Variants in ILDR2 observed in about 807,000 individuals in gnomAD.
The protein encoded by ILDR2 is immunoglobulin like domain containing receptor 2.
ILDR2 carries 25 observed loss-of-function variants against 66.8 expected under a neutral mutation model. That is an observed-to-expected ratio of 0.37 (90% CI 0.27 to 0.52). The LOEUF is 0.52. Among genes scored for constraint, ILDR2 ranks in the 20% least tolerant of loss-of-function variants. The probability of loss-of-function intolerance (pLI) is 0.88; values close to 1 mark genes in which losing one functional copy is unlikely to be tolerated. For synonymous variants in ILDR2, 367 were observed against 357.2 expected, an observed-to-expected ratio of 1.03 and a Z score of -0.31; for missense variants, 827 against 876.8, an observed-to-expected ratio of 0.94 and a Z score of 0.72.
rs984325764 is a variant in ILDR2 at position 166,913,797 on chromosome 1, T to G, written c.*5558A>C. 2.7e-4 allele frequency: 41 copies of G among 152,314 alleles called. No individual in the cohort carries two copies. Among genetic ancestry groups the G allele is most frequent in the African/African-American group, 9.6e-4 (40 of 41,562 alleles). 9.4% of individuals were successfully genotyped at this position (152,314 alleles called of 1,614,324 possible). A position where few individuals can be genotyped will look rare whatever the true frequency, so the allele number is the denominator to read the frequency against. Reference sequence around the variant, plus strand: ...TTCTCCAGAAAACCTGAAGCATATATTACCCCTCACAGCACAGGTGATGAA... The same window carrying G: ...TTCTCCAGAAAACCTGAAGCATATAGTACCCCTCACAGCACAGGTGATGAA... On this transcript the variant is annotated 3_prime_UTR_variant, in exon 10 of 10. Coordinates refer to ENST00000271417, the MANE Select transcript of ILDR2 (RefSeq NM_199351.3).
intron 9 of ILDR2, among the ~76,000 whole-genome samples, chr1:166,920,374 T>G (rs1248416957): frequency 2.6e-5 from 4 of 152,204 alleles, no homozygotes; most frequent in Non-Finnish European, 5.9e-5. Context: ...GTGGTGGTGA[T>G]GGCTCCCGAG....
Position 166,920,900 on chromosome 1 carries a change from G to A in ILDR2, c.1691C>T (p.Ser564Phe). Residue 564 changes from serine to phenylalanine, a missense_variant, in exon 9 of 10, where the codon TCC becomes TTC. Physicochemically the swap from Ser to Phe is radical, Grantham distance 155 (BLOSUM62 -2). Coordinates refer to ENST00000271417, the MANE Select transcript of ILDR2 (RefSeq NM_199351.3). ...RSAQLGPRSASYYAWSPPGTY... is the reference protein window; with the variant it reads ...RSAQLGPRSAFYYAWSPPGTY... The stretch of plus-strand genomic sequence containing the variant: ...GCCGGGCGGCGACCAAGCGTAGTAG[G>A]AGGCGCTGCGCGGGCCGAGCTGCGC... 6.8e-7 allele frequency: 1 copy of A among 1,481,344 alleles called. No homozygotes were observed. The allele number at this position is 1,481,344 out of a possible 1,614,324, so 91.8% of individuals were successfully genotyped here.
At position 166,919,995 on chromosome 1, in the gene ILDR2, C is replaced by T. The variant is rs372401772; in HGVS notation, c.1885-605G>A. Among the ~76,000 whole-genome samples the T allele has an allele frequency of 3.0e-4, 45 of 152,196 alleles. No individual in the cohort carries two copies. In the South Asian group the frequency reaches 8.5e-3, roughly 29 times the overall value. On this transcript the variant is annotated intron_variant, in intron 9 of 9. Transcript: ENST00000271417. Reference sequence around the variant, plus strand: ...ACAGCGGACATTTGTGACTGTCCCCCAACATTTCTCTGAGGTCCAGGGCTC... The same window carrying T: ...ACAGCGGACATTTGTGACTGTCCCCTAACATTTCTCTGAGGTCCAGGGCTC...
intron 4 of ILDR2, among the ~76,000 whole-genome samples, chr1:166,937,773 T>A (rs965985010): frequency 1.3e-5 from 2 of 152,224 alleles, no homozygotes; most frequent in Non-Finnish European, 2.9e-5. Context: ...CATGCTTTCC[T>A]TTAAAAGCCA....
In ILDR2 at chr1:166,917,164, C is replaced by A. The variant is rs893619255; in HGVS notation, c.*2191G>T. The A allele has an allele frequency of 6.6e-6, 1 of 152,274 alleles. No individual in the cohort carries two copies. Among genetic ancestry groups the A allele is most frequent in the Non-Finnish European group, 1.5e-5 (1 of 68,098 alleles). 9.4% of individuals were successfully genotyped at this position (152,274 alleles called of 1,614,324 possible). ...CTAAAACTCAGCACCAGGGTTATGGCTTGTGTCTTCCAGCCCTTGGAAGTG... is the reference window on the plus strand; with the variant it reads ...CTAAAACTCAGCACCAGGGTTATGGATTGTGTCTTCCAGCCCTTGGAAGTG... On this transcript the variant is annotated 3_prime_UTR_variant, in exon 10 of 10. Transcript: ENST00000271417.
intron 7 of ILDR2, among the ~76,000 whole-genome samples, chr1:166,923,886 T>C (rs1451391986): frequency 1.3e-5 from 2 of 152,262 alleles, no homozygotes; most frequent in Admixed American, 6.5e-5. Flanking sequence ...AGTCCTTTAA[T>C]TAGAACTTCA....
intron 1 of ILDR2, among the ~76,000 whole-genome samples, chr1:166,971,082 T>C (rs1663260705): frequency 6.6e-6 from 1 of 152,190 alleles, no homozygotes; most frequent in Non-Finnish European, 1.5e-5. Flanking sequence ...GATCATTCCC[T>C]ATACCTCCCT....
At position 166,910,571 on chromosome 1, in the gene ILDR2, T is replaced by A. The variant is rs1012087583; in HGVS notation, c.*8784A>T. The A allele has an allele frequency of 1.3e-5, 2 of 152,228 alleles. No individual in the cohort carries two copies. The highest frequency in any genetic ancestry group is 2.9e-5 in the Non-Finnish European group (2 of 68,032). 9.4% of individuals were successfully genotyped at this position (152,228 alleles called of 1,614,324 possible). A position where few individuals can be genotyped will look rare whatever the true frequency, so the allele number is the denominator to read the frequency against. ...CTTGGATGTGTGCCACTAGATGGCG[T>A]GTCAGACCAACTCACTCACCTCTAA... On this transcript the variant is annotated 3_prime_UTR_variant, in exon 10 of 10. Transcript: ENST00000271417.
intron 2 of ILDR2, among the ~76,000 whole-genome samples, chr1:166,896,569 AT>A (rs1348444095): frequency 6.8e-6 from 1 of 146,562 alleles, no homozygotes; most frequent in Non-Finnish European, 1.5e-5. Flanking sequence ...TATATATCTC[AT>A]GTTGAAATGA....
chr1:166,943,186 A>G (rs1661409397), intron 3 of ILDR2, among the ~76,000 whole-genome samples: 2 of 152,316 alleles, frequency 1.3e-5, no homozygotes, highest in African/African-American at 4.8e-5. Context: ...TCAACAGCAG[A>G]GACGGTGCAA....
chr1:166,926,902 T>TC (rs1660332739), intron 7 of ILDR2, among the ~76,000 whole-genome samples, 165 bp downstream of exon 7: 1 of 152,114 alleles, frequency 6.6e-6, no homozygotes, highest in Admixed American at 6.5e-5. Flanking sequence ...GACCTTTTTT[T>TC]CCCCTCTGTG....
chr1:166,947,800 G>T (rs1336338966), intron 3 of ILDR2, among the ~76,000 whole-genome samples: 1 of 152,134 alleles, frequency 6.6e-6, no homozygotes, highest in Non-Finnish European at 1.5e-5. Flanking sequence ...ATTGAAGGCC[G>T]AGTTTCCTCC....
At chr1:166,949,806 C>T (rs1661860912) in intron 3 of ILDR2, among the ~76,000 whole-genome samples, 1 of 152,156 alleles carries the variant, frequency 6.6e-6, no homozygotes, top group Admixed American at 6.5e-5. Flanking sequence ...TTTTTAAAAA[C>T]AAGACCAGCA....
intron 4 of ILDR2, 70 bp downstream of exon 4, chr1:166,939,444 G>T (rs1220434318): frequency 1.6e-6 from 2 of 1,265,112 alleles, no homozygotes; most frequent in African/African-American, 1.5e-5. Context: ...AGCAATTAGC[G>T]ACTAATGCAG....
intron 1 of ILDR2, among the ~76,000 whole-genome samples, chr1:166,968,593 A>G (rs1663099797): frequency 6.6e-6 from 1 of 152,114 alleles, no homozygotes. Flanking sequence ...CCATCCTTGC[A>G]TTGGTCCCTG....
intron 1 of ILDR2, 144 bp downstream of exon 1, chr1:166,975,079 C>G: frequency 6.2e-6 from 4 of 640,682 alleles, no homozygotes; most frequent in Non-Finnish European, 1.2e-5. Context: ...CACACGTTGC[C>G]CCCTCCCCCA....
At position 166,936,729 on chromosome 1, in the gene ILDR2, A is replaced by G; in HGVS notation, c.565T>C (p.Phe189Leu). The stretch of plus-strand genomic sequence containing the variant: ...ACGCCCAGGAGCACCAGGCCAACAA[A>G]CACCCACTCTGGAAGGATGCACAAA... ...FAVEIMPEWV[F>L]VGLVLLGVFL... The change falls in exon 5 of 10, where the codon TTT (phenylalanine) becomes CTT (leucine). Residue 189 changes from phenylalanine (F) to leucine (L), a missense_variant. This residue lies in a region of ILDR2 where 437 missense variants were observed against 523.2 expected (regional missense o/e 0.84). Transcript: ENST00000271417. This position sits in a 1 kb window ranked among gnomAD's most constrained non-coding sequence, Gnocchi z 5.0. 1 of 1,613,972 alleles carries G rather than the reference A, an allele frequency of 6.2e-7. No individual in the cohort carries two copies. Among genetic ancestry groups the G allele is most frequent in the Non-Finnish European group, 8.5e-7 (1 of 1,179,978 alleles).
chr1:166,956,785 G>A lies in ILDR2; in HGVS notation c.447C>T (p.Thr149=), dbSNP rs772697045. The A allele has an allele frequency of 6.2e-7, 1 of 1,613,886 alleles. No individual in the cohort carries two copies. Among genetic ancestry groups the A allele is most frequent in the Non-Finnish European group, 8.5e-7 (1 of 1,179,866 alleles). Residue 149 remains threonine (T), a synonymous_variant, in exon 3 of 10, where the codon ACC becomes ACT. Transcript: ENST00000271417. The stretch of plus-strand genomic sequence containing the variant: ...CATTTTTCCCCTCCAGGTCATCTGG[G>A]GTGGTGATAATACAGTAATAGAGTC... The part of the protein sequence containing the change: ...DSGLYYCIIT[T]PDDLEGKNED...
chr1:166,926,614 C>T (rs1193418690), intron 7 of ILDR2, among the ~76,000 whole-genome samples: 4 of 151,632 alleles, frequency 2.6e-5, no homozygotes, highest in Non-Finnish European at 5.9e-5. Context: ...TAAGCTTCCA[C>T]ATCTTAAGAC....
Sources: gnomAD v4.1 joint callset for allele counts (sites outside exome capture counted in the v4.1 genomes callset) on GRCh38, gnomAD v4.1.1 for gene constraint, gnomAD v4.1.1 regional missense constraint, Gnocchi (gnomAD v3.1) non-coding constraint, MANE v1.5 for transcripts, NCBI Gene and HGNC (gene_info 2026-07-23, HGNC 2026-07-21) for gene names.